Variants in SKP1 observed in about 807,000 individuals in gnomAD.
SKP1 encodes S-phase kinase-associated protein 1.
In SKP1, 1 loss-of-function variant was observed where a neutral mutation model predicts 21.5. The ratio of observed to expected loss-of-function variants is 0.05; its 90% CI spans 0.02 to 0.22. The LOEUF (loss-of-function observed/expected upper bound fraction) is 0.22. SKP1 is among the 10% of genes least tolerant of loss of function. The probability of loss-of-function intolerance (pLI) is 1.00; values close to 1 mark genes in which losing one functional copy is unlikely to be tolerated. For missense variants in SKP1, 70 were observed against 192.0 expected, an observed-to-expected ratio of 0.36 and a Z score of 3.76; for synonymous variants, 59 against 59.3, an observed-to-expected ratio of 0.99 and a Z score of 0.03.
intron 3 of SKP1, among the ~76,000 whole-genome samples, chr5:134,164,318 T>G (rs1434649983): frequency 1.1e-5 from 1 of 88,278 alleles, no homozygotes; most frequent in Non-Finnish European, 2.0e-5. Flanking sequence ...AAACTCCATC[T>G]CAAGAAAAAA....
intron 3 of SKP1, among the ~76,000 whole-genome samples, chr5:134,162,618 C>T (rs1580926781): frequency 6.6e-6 from 1 of 151,192 alleles, no homozygotes; most frequent in East Asian, 1.9e-4. Flanking sequence ...AACTCCTGAC[C>T]TCAGATGATC....
chr5:134,174,975 T>A (rs1034934155), intron 1 of SKP1: 1 of 152,224 alleles, frequency 6.6e-6, no homozygotes, highest in African/African-American at 2.4e-5. Context: ...CACATACAAC[T>A]TTTAAAAGGC....
At chr5:134,167,633 C>A (rs76811793) in intron 2 of SKP1, among the ~76,000 whole-genome samples, 12,444 of 151,958 alleles carry the variant, frequency 0.082, 597 homozygotes, top group Admixed American at 0.15. Flanking sequence ...CACCATTCTC[C>A]TGCCTCAGCC....
chr5:134,159,749 A>G (rs543214051), intron 4 of SKP1, among the ~76,000 whole-genome samples: 17 of 152,090 alleles, frequency 1.1e-4, no homozygotes, highest in East Asian at 3.9e-4. Flanking sequence ...GGGTTTCACC[A>G]TGTTAGCCAG....
Position 134,157,607 on chromosome 5 carries a change from C to T in SKP1, c.*126G>A. 1 of 839,088 alleles carries T rather than the reference C, an allele frequency of 1.2e-6. No homozygotes were observed. Among genetic ancestry groups the T allele is most frequent in the Non-Finnish European group, 2.1e-6 (1 of 486,974 alleles). 52.0% of individuals were successfully genotyped at this position (839,088 alleles called of 1,614,324 possible). A position where few individuals can be genotyped will look rare whatever the true frequency, so the allele number is the denominator to read the frequency against. On this transcript the variant is annotated 3_prime_UTR_variant, in exon 6 of 6. Coordinates refer to ENST00000353411, the MANE Select transcript of SKP1 (RefSeq NM_170679.3). ...CTACACATGCAATGAGGACAATATT[C>T]TGCTAATACAATTGACTTGCTGCTG...
chr5:134,165,542 A>G (rs1223796483), intron 3 of SKP1, among the ~76,000 whole-genome samples: 1 of 149,132 alleles, frequency 6.7e-6, no homozygotes, highest in Non-Finnish European at 1.5e-5. Flanking sequence ...GTGAGCTGAG[A>G]TCGTGCCACT....
rs2149372135 is a variant in SKP1, at chr5:134,155,489, TTTAAGA to T, written c.*2238_*2243del. On this transcript the variant is annotated 3_prime_UTR_variant, in exon 6 of 6. Transcript: ENST00000353411. The stretch of plus-strand genomic sequence containing the variant: ...TCTTGGATCTCTATTAATGTAAAAG[TTTAAGA>T]TTACTAGGATTTTTTGTTGTTTGTT... 6.6e-6 allele frequency: 1 copy of T among 152,328 alleles called. No homozygotes were observed. The highest frequency in any genetic ancestry group is 2.4e-5 in the African/African-American group (1 of 41,572). 9.4% of individuals were successfully genotyped at this position (152,328 alleles called of 1,614,324 possible). A position where few individuals can be genotyped will look rare whatever the true frequency, so the allele number is the denominator to read the frequency against.
rs918339572 is a variant in SKP1, at chr5:134,158,587, G to A, written c.324C>T (p.Asn108=). ...CAAGCAAACCTTTGATGTCTAAGTA[G>A]TTTGCAGCCTGTAAAGAGACAGTTG... The part of the protein sequence containing the change: ...GTLFELILAA[N]YLDIKGLLDV... The change falls in exon 5 of 6, where the codon AAC becomes AAT. Residue 108 remains asparagine, a synonymous_variant. Transcript: ENST00000353411. 1.2e-6 allele frequency: 2 copies of A among 1,613,074 alleles called. No homozygotes were observed. The highest frequency in any genetic ancestry group is 2.7e-5 in the African/African-American group (2 of 74,910).
Position 134,153,700 on chromosome 5 carries a change from G to C in SKP1, c.*4033C>G, listed in dbSNP as rs944716557. 1.3e-5 allele frequency: 2 copies of C among 152,114 alleles called. No individual in the cohort carries two copies. The highest frequency in any genetic ancestry group is 4.8e-5 in the African/African-American group (2 of 41,414). 9.4% of individuals were successfully genotyped at this position (152,114 alleles called of 1,614,324 possible). A position where few individuals can be genotyped will look rare whatever the true frequency, so the allele number is the denominator to read the frequency against. On this transcript the variant is annotated 3_prime_UTR_variant, in exon 6 of 6. Transcript: ENST00000353411. ...TTATATTCCCAAACTGCCTTATTGA[G>C]AGCCTAGGCAAATTAACTTAAACAA...
chr5:134,174,450 A>G, intron 1 of SKP1: 1 of 992,444 alleles, frequency 1.0e-6, no homozygotes, highest in African/African-American at 1.7e-5. Flanking sequence ...TTTTCCCCAC[A>G]GTGAGTCCTA....
At position 134,154,447 on chromosome 5, in the gene SKP1, C is replaced by CAAAAAAAAAAA. The variant is rs56936628; in HGVS notation, c.*3275_*3285dup. ...TGGGCGACAGAGTGAGACTCTGTCT[C>CAAAAAAAAAAA]AAAAAAAAAAAAAAAAAAAAAAAAA... On this transcript the variant is annotated 3_prime_UTR_variant, in exon 6 of 6. Transcript: ENST00000353411. 1 of 51,646 alleles carries CAAAAAAAAAAA rather than the reference C, an allele frequency of 1.9e-5. No homozygotes were observed. The highest frequency in any genetic ancestry group is 5.9e-5 in the African/African-American group (1 of 16,940). The allele number at this position is 51,646 out of a possible 1,614,324, so 3.2% of individuals were successfully genotyped here. A position where few individuals can be genotyped will look rare whatever the true frequency, so the allele number is the denominator to read the frequency against.
intron 2 of SKP1, 23 bp downstream of exon 2, chr5:134,173,903 C>G (rs779706229): frequency 6.9e-6 from 9 of 1,300,096 alleles, no homozygotes; most frequent in African/African-American, 1.4e-5. Flanking sequence ...TTTCCTCCCA[C>G]CCAGGTTTTC....
intron 2 of SKP1, among the ~76,000 whole-genome samples, chr5:134,168,984 A>T (rs1477148766): frequency 6.6e-6 from 1 of 152,112 alleles, no homozygotes; most frequent in Non-Finnish European, 1.5e-5. Flanking sequence ...TGAGACTATC[A>T]TCAAGCAAAT....
At chr5:134,167,305 G>T in intron 2 of SKP1, 62 bp from the exon 3 acceptor site, 2 of 1,052,032 alleles carry the variant, frequency 1.9e-6, no homozygotes, top group Non-Finnish European at 3.0e-6. Context: ...TACCAACCAG[G>T]CTATGTCTCA....
Position 134,161,110 on chromosome 5 carries a change from G to C in SKP1, c.192C>G (p.His64Gln). Residue 64 changes from histidine (H) to glutamine (Q), a missense_variant, in exon 4 of 6, where the codon CAC becomes CAG. By Grantham distance (24) the His-to-Gln change is conservative. Transcript: ENST00000353411. ...CAGGAGGAGGAGGGTCATCCTTGTGGTGGGTGCACCACTGAATGACCTACA... is the reference window on the plus strand; with the variant it reads ...CAGGAGGAGGAGGGTCATCCTTGTGCTGGGTGCACCACTGAATGACCTACA... ...ILKKVIQWCTHHKDDPPPPED... is the reference protein window; with the variant it reads ...ILKKVIQWCTQHKDDPPPPED... 6.2e-7 allele frequency: 1 copy of C among 1,613,398 alleles called. No homozygotes were observed. Among genetic ancestry groups the C allele is most frequent in the Non-Finnish European group, 8.5e-7 (1 of 1,179,614 alleles).
At chr5:134,158,373 G>C in intron 5 of SKP1, 82 bp downstream of exon 5, 1 of 1,610,340 alleles carries the variant, frequency 6.2e-7, no homozygotes, top group South Asian at 1.1e-5. Flanking sequence ...ACTTGATACA[G>C]TCACCTCTTT....
intron 3 of SKP1, among the ~76,000 whole-genome samples, chr5:134,162,894 G>C (rs1397075200): frequency 1.3e-5 from 2 of 151,866 alleles, no homozygotes; most frequent in Non-Finnish European, 2.9e-5. Flanking sequence ...GCAATATAGA[G>C]ACACCCCGTC....
intron 1 of SKP1, chr5:134,175,682 T>G (rs1242914314): frequency 2.0e-5 from 3 of 152,146 alleles, no homozygotes; most frequent in Admixed American, 6.6e-5. Flanking sequence ...CTTAAGGGAG[T>G]TGAGACCTTA....
intron 1 of SKP1, among the ~76,000 whole-genome samples, chr5:134,175,947 T>A (rs1451519997): frequency 6.6e-6 from 1 of 151,992 alleles, no homozygotes; most frequent in East Asian, 1.9e-4. Flanking sequence ...AAAAAACCCC[T>A]GCGCTTTAAG....
Sources: gnomAD v4.1 joint callset for allele counts (sites outside exome capture counted in the v4.1 genomes callset) on GRCh38, gnomAD v4.1.1 for gene constraint, MANE v1.5 for transcripts, NCBI Gene and HGNC (gene_info 2026-07-23, HGNC 2026-07-21) for gene names.